The following ZBTB40 variants were observed in gnomAD, a reference collection of about 807,000 sequenced individuals.
ZBTB40 encodes zinc finger and BTB domain containing 40.
In ZBTB40, 60 loss-of-function variants were observed where a neutral mutation model predicts 117.5. That is an observed-to-expected ratio of 0.51 (90% CI 0.41 to 0.63). ZBTB40 has a LOEUF of 0.63. Among genes scored for constraint, ZBTB40 ranks in the 30% least tolerant of loss-of-function variants. ZBTB40 has a pLI of 0.00. For missense variants in ZBTB40, 1,287 were observed against 1,498.5 expected (o/e 0.86, Z 2.33); for synonymous variants, 525 against 577.1 (o/e 0.91, Z 1.29).
In ZBTB40 at chr1:22,511,756, G is replaced by A; in HGVS notation, c.2083G>A (p.Asp695Asn). The A allele has an allele frequency of 6.2e-7, 1 of 1,609,072 alleles. No homozygotes were observed. The highest frequency in any genetic ancestry group is 8.5e-7 in the Non-Finnish European group (1 of 1,178,656). ...KFHLEANNKE[D>N]EKAAKEDSQP... ...TCACCTTGAAGCCAACAACAAAGAAGATGAAAAGGCAGCCAAAGAAGACAG... is the reference window on the plus strand; with the variant it reads ...TCACCTTGAAGCCAACAACAAAGAAAATGAAAAGGCAGCCAAAGAAGACAG... The change falls in exon 11 of 18, where the codon GAT (aspartate) becomes AAT (asparagine). Residue 695 changes from aspartate (D) to asparagine (N), a missense_variant. By Grantham distance (23) the Asp-to-Asn change is conservative. This residue lies in a region of ZBTB40 where 870 missense variants were observed against 934.4 expected (regional missense o/e 0.93). Transcript: ENST00000375647.
At position 22,520,161 on chromosome 1, in the gene ZBTB40, C is replaced by T. The variant is rs1639483005; in HGVS notation, c.2934C>T (p.His978=). 1 of 1,614,218 alleles carries T rather than the reference C, an allele frequency of 6.2e-7. No homozygotes were observed. The highest frequency in any genetic ancestry group is 8.5e-7 in the Non-Finnish European group (1 of 1,180,032). Residue 978 remains histidine (H), a synonymous_variant, in exon 14 of 18, where the codon CAC becomes CAT. Transcript: ENST00000375647. ...HIHEVHSKEY[H]PCPTCGKIFS... is the part of the protein sequence containing the mutation. ...ATGAGGTGCACTCCAAAGAGTACCA[C>T]CCCTGCCCCACGTGTGGGAAGATCT...
chr1:22,515,147 A>G (rs990950320), intron 12 of ZBTB40, among the ~76,000 whole-genome samples: 1 of 152,176 alleles, frequency 6.6e-6, no homozygotes, highest in African/African-American at 2.4e-5. Context: ...GGAGCCAGTG[A>G]AAGACCTAGA....
At chr1:22,459,553 A>C (rs914231488) in intron 1 of ZBTB40, among the ~76,000 whole-genome samples, 1 of 152,120 alleles carries the variant, frequency 6.6e-6, no homozygotes, top group Non-Finnish European at 1.5e-5. Context: ...GTTTTGTTCC[A>C]TTGGTTTGAT....
intron 3 of ZBTB40, among the ~76,000 whole-genome samples, chr1:22,492,284 T>G (rs1295381879): frequency 3.3e-5 from 5 of 152,204 alleles, no homozygotes; most frequent in Non-Finnish European, 7.3e-5. Context: ...TATAAGTGCT[T>G]AGGAATCGCC....
intron 9 of ZBTB40, 31 bp from the exon 10 acceptor site, chr1:22,511,148 C>T (rs373978169): frequency 8.7e-6 from 14 of 1,612,476 alleles, no homozygotes; most frequent in African/African-American, 2.7e-5. Flanking sequence ...TGAGATTAAC[C>T]CCACACCTTT....
chr1:22,482,903 C>T (rs1290769821), intron 1 of ZBTB40, among the ~76,000 whole-genome samples: 1 of 151,964 alleles, frequency 6.6e-6, no homozygotes, highest in East Asian at 1.9e-4. Flanking sequence ...ACAGTGAAAC[C>T]CGGTCTCTAC....
intron 5 of ZBTB40, 68 bp from the exon 6 acceptor site, chr1:22,505,981 C>T: frequency 6.4e-7 from 1 of 1,554,954 alleles, no homozygotes; most frequent in Non-Finnish European, 8.9e-7. Context: ...GCTAGGTTTT[C>T]CAGTAGTGTG....
At position 22,528,456 on chromosome 1, in the gene ZBTB40, ACT is replaced by A. The variant is rs1275961135; in HGVS notation, c.*2063_*2064del. ...GAAAAAACAAACAACAACAAAAAAAACTCTTCGGAATAAAGAGGGCTGTAAAT... is the reference window on the plus strand; with the variant it reads ...GAAAAAACAAACAACAACAAAAAAAACTTCGGAATAAAGAGGGCTGTAAAT... On this transcript the variant is annotated 3_prime_UTR_variant, in exon 18 of 18. Coordinates refer to ENST00000375647, the MANE Select transcript of ZBTB40 (RefSeq NM_014870.4). The A allele has an allele frequency of 6.6e-6, 1 of 152,064 alleles. No homozygotes were observed. 9.4% of individuals were successfully genotyped at this position (152,064 alleles called of 1,614,324 possible).
chr1:22,526,096 G>A, intron 17 of ZBTB40, 106 bp from the exon 18 acceptor site: 2 of 1,369,148 alleles, frequency 1.5e-6, no homozygotes, highest in Non-Finnish European at 2.1e-6. Context: ...GCTCTCCTCA[G>A]GTGAAAACAT....
chr1:22,469,078 C>T (rs1557488969), intron 1 of ZBTB40, among the ~76,000 whole-genome samples: 1 of 152,128 alleles, frequency 6.6e-6, no homozygotes, highest in Non-Finnish European at 1.5e-5. Context: ...ATCCTCCTGC[C>T]TTGGCCTCCC....
chr1:22,477,797 C>T (rs1641587352), intron 1 of ZBTB40, among the ~76,000 whole-genome samples: 1 of 152,222 alleles, frequency 6.6e-6, no homozygotes, highest in African/African-American at 2.4e-5. Flanking sequence ...ATCCTCCCGC[C>T]TCGGCCTCTC....
chr1:22,441,473 C>CTTTTTTTTTTTTTTTTTTTTTTT (rs71020419), intron 1 of ZBTB40, among the ~76,000 whole-genome samples: 1 of 73,714 alleles, frequency 1.4e-5, no homozygotes, highest in Non-Finnish European at 2.5e-5. Context: ...TATTTGCTTT[C>CTTTTTTTTTTTTTTTTTTTTTTT]TTTTTTTTTT....
chr1:22,517,716 A>G (rs557621705), intron 13 of ZBTB40: 22 of 483,374 alleles, frequency 4.6e-5, no homozygotes, highest in Non-Finnish European at 6.8e-5. Context: ...ACCTGGCACC[A>G]TTTGTCCAAC....
intron 1 of ZBTB40, among the ~76,000 whole-genome samples, chr1:22,479,027 A>G (rs1240736099): frequency 3.3e-5 from 5 of 152,284 alleles, no homozygotes; most frequent in African/African-American, 4.8e-5. Flanking sequence ...TCTACTTTCT[A>G]TAAGTTGGAT....
At chr1:22,459,152 ATGC>A (rs1641074753) in intron 1 of ZBTB40, among the ~76,000 whole-genome samples, 1 of 152,134 alleles carries the variant, frequency 6.6e-6, no homozygotes, top group South Asian at 2.1e-4. Context: ...CAGTTGTCAT[ATGC>A]TTGACTTTGT....
At chr1:22,502,605 C>T (rs1301517583) in intron 5 of ZBTB40, among the ~76,000 whole-genome samples, 164 bp downstream of exon 5, 5 of 152,126 alleles carry the variant, frequency 3.3e-5, no homozygotes, top group African/African-American at 7.2e-5. Context: ...GCATTCCTCG[C>T]GGTAGCTTGC....
At chr1:22,454,658 G>T (rs1472609155) in intron 1 of ZBTB40, among the ~76,000 whole-genome samples, 2 of 152,224 alleles carry the variant, frequency 1.3e-5, no homozygotes, top group African/African-American at 4.8e-5. Flanking sequence ...GAGTCACTGT[G>T]CTGTGGTTCA....
chr1:22,506,062 G>C lies in ZBTB40; in HGVS notation c.1181G>C (p.Cys394Ser). The part of the protein sequence containing the change: ...TGTEKRVILN[C>S]CEGRTPKETI... ...TTGCCACTGCAGGTGATTCTGAATT[G>C]CTGTGAGGGCAGAACACCCAAGGAG... Residue 394 changes from cysteine (C) to serine (S), a missense_variant, in exon 6 of 18, where the codon TGC becomes TCC. Cys to Ser is a moderately radical substitution (Grantham distance 112, BLOSUM62 -1). This residue lies in a region of ZBTB40 where 870 missense variants were observed against 934.4 expected (regional missense o/e 0.93). Transcript: ENST00000375647. 1 of 1,614,146 alleles carries C rather than the reference G, an allele frequency of 6.2e-7. No homozygotes were observed. The highest frequency in any genetic ancestry group is 8.5e-7 in the Non-Finnish European group (1 of 1,180,004).
In ZBTB40 at chr1:22,517,290, G is replaced by A; in HGVS notation, c.2669-10G>A. On this transcript the variant is annotated splice_polypyrimidine_tract_variant and intron_variant, in intron 12 of 17. Coordinates refer to ENST00000375647, the MANE Select transcript of ZBTB40 (RefSeq NM_014870.4). ...AGTGCTGACTCTAATAAGCTCCTGT[G>A]TATTTGCAGGGAAAATGTATGCATG... The A allele has an allele frequency of 6.2e-7, 1 of 1,613,898 alleles. No homozygotes were observed. Among genetic ancestry groups the A allele is most frequent in the Non-Finnish European group, 8.5e-7 (1 of 1,180,052 alleles).
Sources: allele counts gnomAD v4.1 joint callset (sites outside exome capture counted in the v4.1 genomes callset), GRCh38; gene constraint gnomAD v4.1.1; regional missense constraint gnomAD v4.1.1; transcripts MANE v1.5; gene names NCBI Gene and HGNC (gene_info 2026-07-23, HGNC 2026-07-21).